The following TRNT1 variants were observed in gnomAD, a reference collection of about 807,000 sequenced individuals.
TRNT1 encodes CCA tRNA nucleotidyltransferase 1, mitochondrial.
A neutral mutation model predicts 45.6 loss-of-function variants in TRNT1; 44 were observed. That is an observed-to-expected ratio of 0.97 (90% CI 0.76 to 1.24). TRNT1 has a LOEUF of 1.24. TRNT1 is among the 50% of genes most tolerant of loss of function. The pLI is 0.00. For missense variants in TRNT1, 633 were observed against 504.4 expected (o/e 1.25, Z -2.44); for synonymous variants, 201 against 171.4 (o/e 1.17, Z -1.35).
At chr3:3,143,516 CA>C (rs1488088879) in intron 4 of TRNT1, among the ~76,000 whole-genome samples, 1 of 152,158 alleles carries the variant, frequency 6.6e-6, no homozygotes, top group African/African-American at 2.4e-5. Context: ...CCCATTTAAC[CA>C]CACCCTTGCT....
chr3:3,135,107 A>G (rs1705245431), intron 2 of TRNT1, among the ~76,000 whole-genome samples: 1 of 152,166 alleles, frequency 6.6e-6, no homozygotes, highest in Non-Finnish European at 1.5e-5. Flanking sequence ...TTTGCCATGT[A>G]GACATACAAA....
At chr3:3,134,771 T>C (rs769142702) in intron 2 of TRNT1, among the ~76,000 whole-genome samples, 1 of 152,148 alleles carries the variant, frequency 6.6e-6, no homozygotes, top group Non-Finnish European at 1.5e-5. Context: ...CAGATTGGTA[T>C]AAAGATGAAT....
chr3:3,134,063 G>C lies in TRNT1; in HGVS notation c.149-3197G>C, dbSNP rs887851201. Among the ~76,000 whole-genome samples, 3 of 152,262 alleles carry C rather than the reference G, an allele frequency of 2.0e-5. No individual in the cohort carries two copies. The East Asian group carries it at 5.8e-4, about 30-fold the overall frequency. Reference sequence around the variant, plus strand: ...GAGGTGGCATTTGGAGCAAATAAACGTAGTTTGGGGATGATGAGATTCTGC... The same window carrying C: ...GAGGTGGCATTTGGAGCAAATAAACCTAGTTTGGGGATGATGAGATTCTGC... On this transcript the variant is annotated intron_variant, in intron 2 of 7. Coordinates refer to ENST00000251607, the MANE Select transcript of TRNT1 (RefSeq NM_182916.3).
intron 5 of TRNT1, chr3:3,144,986 T>G (rs569821813): frequency 3.9e-5 from 8 of 206,576 alleles, no homozygotes; most frequent in Admixed American, 6.1e-5. Context: ...GATTGATATT[T>G]CCTCCATTGA....
intron 2 of TRNT1, 44 bp downstream of exon 2, chr3:3,129,232 A>G (rs771840185): frequency 6.5e-7 from 1 of 1,536,258 alleles, no homozygotes; most frequent in Non-Finnish European, 9.0e-7. Context: ...ACCTATATAA[A>G]TGGAGAAGTA....
downstream of TRNT1, chr3:3,153,120 A>G (rs189058458): frequency 3.7e-5 from 13 of 349,862 alleles, no homozygotes; most frequent in African/African-American, 2.1e-4. Flanking sequence ...TGAAGCATCT[A>G]TGTTAGGGCC....
In TRNT1 at chr3:3,148,141, TAAAG is replaced by T; in HGVS notation, c.1295_1298del (p.Lys432ArgfsTer8). The T allele has an allele frequency of 6.2e-7, 1 of 1,613,296 alleles. No individual in the cohort carries two copies. The highest frequency in any genetic ancestry group is 8.5e-7 in the Non-Finnish European group (1 of 1,179,640). ...GAAAAAGATGAACTTCTGAGTTACA[TAAAG>T]AAGACCTAAAACTGATGGCTACTAA... is the stretch of plus-strand genomic sequence containing the variant. On this transcript the variant is annotated frameshift_variant, in exon 8 of 8. Transcript: ENST00000251607. LOFTEE classifies it high-confidence loss of function.
intron 3 of TRNT1, 43 bp from the exon 4 acceptor site, chr3:3,140,467 C>T: frequency 1.3e-6 from 2 of 1,595,576 alleles, no homozygotes; most frequent in Non-Finnish European, 1.7e-6. Context: ...AGTATGAAAA[C>T]CTAATTTAAA....
At chr3:3,128,984 C>T in intron 1 of TRNT1, 30 bp from the exon 2 acceptor site, 3 of 1,470,400 alleles carry the variant, frequency 2.0e-6, no homozygotes, top group East Asian at 4.6e-5. Context: ...CTTTTAATTT[C>T]ATTGGTATGC....
chr3:3,151,096 G>C, downstream of TRNT1: 2 of 1,582,094 alleles, frequency 1.3e-6, no homozygotes, highest in Middle Eastern at 1.7e-4. Context: ...TGTACTCCAA[G>C]CCTATCATAT....
At chr3:3,141,179 C>T (rs922215058) in intron 4 of TRNT1, among the ~76,000 whole-genome samples, 3 of 152,190 alleles carry the variant, frequency 2.0e-5, no homozygotes, top group African/African-American at 7.2e-5. Context: ...TTCCTTTGTA[C>T]CGCTGTTGTG....
chr3:3,132,731 G>GAAAAAAAAAAA (rs369384116), intron 2 of TRNT1, among the ~76,000 whole-genome samples: 4 of 88,972 alleles, frequency 4.5e-5, no homozygotes, highest in South Asian at 4.4e-4. Context: ...CCTATTGAAG[G>GAAAAAAAAAAA]AAAAAAAAAA....
At chr3:3,129,887 C>G in intron 2 of TRNT1, 1 of 1,550,608 alleles carries the variant, frequency 6.4e-7, no homozygotes, top group Non-Finnish European at 8.7e-7. Context: ...CAGAGCCCAG[C>G]TTGCAACCGC....
Position 3,147,858 on chromosome 3 carries a change from G to A in TRNT1, c.1057-48G>A, listed in dbSNP as rs1559231702. The A allele has an allele frequency of 4.5e-6, 7 of 1,572,090 alleles. No individual in the cohort carries two copies. The African/African-American group carries it at 5.5e-5, about 12-fold the overall frequency. On this transcript the variant is annotated intron_variant, in intron 7 of 7. Transcript: ENST00000251607. ...TAAATTTTAGGATAAGATTGTAAGT[G>A]TATGTTTTCATGTGTGACGAAACTA...
rs920905293 is a variant in TRNT1 at position 3,136,572 on chromosome 3, A to C, written c.149-688A>C. On this transcript the variant is annotated intron_variant, in intron 2 of 7. Transcript: ENST00000251607. Reference sequence around the variant, plus strand: ...CAACATCTATCTGTAAACACAGAGAAATACAAGAACATGTTACCATTTCTA... The same window carrying C: ...CAACATCTATCTGTAAACACAGAGACATACAAGAACATGTTACCATTTCTA... 3.2e-5 allele frequency: 13 copies of C among 411,506 alleles called. No individual in the cohort carries two copies. In the East Asian group the frequency reaches 9.2e-4, roughly 29 times the overall value. 25.5% of individuals were successfully genotyped at this position (411,506 alleles called of 1,614,324 possible).
At chr3:3,134,367 T>C (rs773560106) in intron 2 of TRNT1, among the ~76,000 whole-genome samples, 1 of 152,192 alleles carries the variant, frequency 6.6e-6, no homozygotes, top group African/African-American at 2.4e-5. Flanking sequence ...TTCTCAGTTG[T>C]CTTAAATGTT....
intron 4 of TRNT1, among the ~76,000 whole-genome samples, chr3:3,142,500 A>T (rs1705717642): frequency 6.6e-6 from 1 of 152,212 alleles, no homozygotes; most frequent in Non-Finnish European, 1.5e-5. Context: ...CCTGCAACTC[A>T]ACCATATTTC....
chr3:3,133,197 AT>A (rs1051210100), intron 2 of TRNT1, among the ~76,000 whole-genome samples: 1 of 152,184 alleles, frequency 6.6e-6, no homozygotes, highest in Admixed American at 6.5e-5. Flanking sequence ...GGGTTTTATA[AT>A]TTGTCAGGTT....
chr3:3,143,301 A>G (rs62228634), intron 4 of TRNT1, among the ~76,000 whole-genome samples: 24,623 of 152,200 alleles, frequency 0.16, 2,094 homozygotes, highest in Admixed American at 0.19. Flanking sequence ...GCAAACCAGT[A>G]TGAAGTGGTC....
Sources: gnomAD v4.1 joint callset for allele counts (sites outside exome capture counted in the v4.1 genomes callset) on GRCh38, gnomAD v4.1.1 for gene constraint, MANE v1.5 for transcripts, NCBI Gene and HGNC (gene_info 2026-07-23, HGNC 2026-07-21) for gene names.